Variants in RBFOX1 observed in about 807,000 individuals in gnomAD.
RBFOX1 encodes RNA binding protein fox-1 homolog 1.
Under a neutral mutation model 57.7 loss-of-function variants are expected in RBFOX1, and 8 were observed. That is an observed-to-expected ratio of 0.14 (90% CI 0.08 to 0.25). The LOEUF (loss-of-function observed/expected upper bound fraction) is 0.25. Among genes scored for constraint, RBFOX1 ranks in the 10% least tolerant of loss-of-function variants. The pLI, the probability that RBFOX1 is intolerant of heterozygous loss-of-function variation, is 1.00. For synonymous variants in RBFOX1, 326 were observed against 222.4 expected (o/e 1.47, Z -4.15); for missense variants, 611 against 548.5 (o/e 1.11, Z -1.14).
At chr16:5,573,815 G>T (rs1019523246) in intron 2 of RBFOX1, among the ~76,000 whole-genome samples, 4 of 152,164 alleles carry the variant, frequency 2.6e-5, no homozygotes, top group African/African-American at 9.7e-5. Context: ...TAGGCTGGGT[G>T]TGGTGGCGTG....
intron 1 of RBFOX1, among the ~76,000 whole-genome samples, chr16:6,243,683 T>C (rs1474949983): frequency 1.3e-5 from 2 of 152,194 alleles, no homozygotes; most frequent in Non-Finnish European, 2.9e-5. Context: ...CTGACCTCAG[T>C]GCATGGCTTG....
chr16:5,395,536 T>G (rs1249809100), intron 1 of RBFOX1, among the ~76,000 whole-genome samples: 1 of 152,206 alleles, frequency 6.6e-6, no homozygotes, highest in African/African-American at 2.4e-5. Flanking sequence ...TCTTTAGGTT[T>G]TCTAGCCTTA....
chr16:5,257,920 C>G (rs150070633), intron 1 of RBFOX1, among the ~76,000 whole-genome samples: 1 of 152,072 alleles, frequency 6.6e-6, no homozygotes, highest in African/African-American at 2.4e-5. Flanking sequence ...ACTCTGTCAC[C>G]CAGGCTGGAG....
chr16:5,481,153 G>C (rs925841480), intron 2 of RBFOX1, among the ~76,000 whole-genome samples: 1 of 152,180 alleles, frequency 6.6e-6, no homozygotes, highest in African/African-American at 2.4e-5. Flanking sequence ...CAACCTCTGC[G>C]GAGGCACTTT....
chr16:6,109,154 G>A (rs1023634914), intron 1 of RBFOX1, among the ~76,000 whole-genome samples: 28 of 152,088 alleles, frequency 1.8e-4, no homozygotes, highest in Non-Finnish European at 1.2e-4. Context: ...CAGTGGGGGC[G>A]TTTTCTGAAT....
intron 2 of RBFOX1, among the ~76,000 whole-genome samples, chr16:6,647,605 C>G (rs917695185): frequency 6.6e-6 from 1 of 152,176 alleles, no homozygotes; most frequent in Non-Finnish European, 1.5e-5. Context: ...GAGTTCCCAT[C>G]TCCAAATACA....
At chr16:7,595,340 C>T (rs983836668) in intron 7 of RBFOX1, among the ~76,000 whole-genome samples, 1 of 152,130 alleles carries the variant, frequency 6.6e-6, no homozygotes, top group African/African-American at 2.4e-5. Context: ...TCAGGGGTTA[C>T]AGCTAACTGG....
intron 12 of RBFOX1, among the ~76,000 whole-genome samples, chr16:7,655,529 T>C (rs540241672): frequency 9.8e-5 from 15 of 152,328 alleles, no homozygotes; most frequent in African/African-American, 2.6e-4. Flanking sequence ...ATAATTTTTA[T>C]CTCTGGTATC....
At chr16:5,452,782 T>G (rs2068467549) in intron 1 of RBFOX1, among the ~76,000 whole-genome samples, 1 of 152,074 alleles carries the variant, frequency 6.6e-6, no homozygotes. Flanking sequence ...TAGCTTGGAT[T>G]ACAGGCGTGC....
At chr16:5,787,156 G>A (rs918383130) in intron 3 of RBFOX1, among the ~76,000 whole-genome samples, 1 of 152,058 alleles carries the variant, frequency 6.6e-6, no homozygotes, top group African/African-American at 2.4e-5. Context: ...TAACACAGGA[G>A]GAGCTCATAG....
chr16:5,641,795 C>G (rs1469631689), intron 3 of RBFOX1, among the ~76,000 whole-genome samples: 5 of 152,196 alleles, frequency 3.3e-5, no homozygotes, highest in East Asian at 1.9e-4. Context: ...GCATCTCAAA[C>G]TGTATGCTCT....
intron 1 of RBFOX1, among the ~76,000 whole-genome samples, chr16:5,275,601 A>G (rs916353960): frequency 6.6e-6 from 1 of 152,216 alleles, no homozygotes. Flanking sequence ...TGTGAAAATG[A>G]CCATACTGCC....
rs187061733 is a variant in RBFOX1, at chr16:6,104,694, A to G, written c.-127+84702A>G. Among the ~76,000 whole-genome samples, 5 of 152,354 alleles carry G rather than the reference A, an allele frequency of 3.3e-5. No homozygotes were observed. The East Asian group carries it at 5.8e-4, about 18-fold the overall frequency. On this transcript the variant is annotated intron_variant, in intron 1 of 15. Coordinates refer to ENST00000550418, the MANE Select transcript of RBFOX1 (RefSeq NM_018723.4). ...AACTGGTGAGTCAACAAAACTTGCT[A>G]TATTCAAATACTGTAATACACTTTA...
chr16:6,199,919 C>G (rs1025290695), intron 1 of RBFOX1, among the ~76,000 whole-genome samples: 2 of 152,174 alleles, frequency 1.3e-5, no homozygotes, highest in African/African-American at 4.8e-5. Context: ...ACTGTGCGAA[C>G]ACTCATGAGC....
At chr16:7,300,117 A>T (rs2095996310) in intron 4 of RBFOX1, among the ~76,000 whole-genome samples, 1 of 152,064 alleles carries the variant, frequency 6.6e-6, no homozygotes, top group Admixed American at 6.5e-5. Context: ...GGTTTCCCTA[A>T]TTCCCTGATC....
intron 3 of RBFOX1, among the ~76,000 whole-genome samples, chr16:6,722,422 G>C (rs1203394931): frequency 6.6e-6 from 1 of 152,198 alleles, no homozygotes. Context: ...ATTATTTGCA[G>C]AGCAGCTGGA....
intron 3 of RBFOX1, among the ~76,000 whole-genome samples, chr16:6,719,624 T>A (rs2065548341): frequency 6.6e-6 from 1 of 151,888 alleles, no homozygotes; most frequent in South Asian, 2.1e-4. Flanking sequence ...TTTTTTGTAT[T>A]TTTAGTAGAG....
At chr16:5,597,428 T>C (rs1310061144) in intron 2 of RBFOX1, among the ~76,000 whole-genome samples, 2 of 148,048 alleles carry the variant, frequency 1.4e-5, no homozygotes, top group African/African-American at 2.5e-5. Flanking sequence ...GTTGGGGTTT[T>C]GATCTCGTCG....
At chr16:7,047,121 T>A (rs1163872153) in intron 3 of RBFOX1, among the ~76,000 whole-genome samples, 1 of 151,996 alleles carries the variant, frequency 6.6e-6, no homozygotes, top group Non-Finnish European at 1.5e-5. Flanking sequence ...TATTAACATT[T>A]ACTCATATGT....
Sources: allele counts gnomAD v4.1 joint callset (sites outside exome capture counted in the v4.1 genomes callset), GRCh38; gene constraint gnomAD v4.1.1; transcripts MANE v1.5; gene names NCBI Gene and HGNC (gene_info 2026-07-23, HGNC 2026-07-21).